USP21: variants seen among roughly 807,000 people sequenced by gnomAD.
The protein encoded by USP21 is ubiquitin specific peptidase 21.
Under a neutral mutation model 70.8 loss-of-function variants are expected in USP21, and 37 were observed. That is an observed-to-expected ratio of 0.52 (90% CI 0.40 to 0.69). The LOEUF (loss-of-function observed/expected upper bound fraction) is 0.69. USP21 is among the 30% of genes least tolerant of loss of function. The pLI, the probability that USP21 is intolerant of heterozygous loss-of-function variation, is 0.00. For missense variants in USP21, 584 were observed against 740.8 expected, an observed-to-expected ratio of 0.79 and a Z score of 2.46; for synonymous variants, 263 against 283.1, an observed-to-expected ratio of 0.93 and a Z score of 0.71.
Position 161,162,854 on chromosome 1 carries a change from G to C in USP21, c.894-65G>C, listed in dbSNP as rs1658043698. 6.3e-7 allele frequency: 1 copy of C among 1,593,282 alleles called. No individual in the cohort carries two copies. Among genetic ancestry groups the C allele is most frequent in the African/African-American group, 1.3e-5 (1 of 74,476 alleles). ...TCCAGGAAGTGGGGACCAATATCTGGGCAGGGAATAGTGTCTGTGGACTAG... is the reference window on the plus strand; with the variant it reads ...TCCAGGAAGTGGGGACCAATATCTGCGCAGGGAATAGTGTCTGTGGACTAG... On this transcript the variant is annotated intron_variant, in intron 6 of 13. Transcript: ENST00000368002. This position sits in a 1 kb window ranked among gnomAD's most constrained non-coding sequence, Gnocchi z 4.1.
intron 7 of USP21, 39 bp downstream of exon 7, chr1:161,163,113 A>T: frequency 6.5e-7 from 1 of 1,550,346 alleles, no homozygotes. Context: ...CCCGTAGTTT[A>T]TCAGCATCAT....
At position 161,161,063 on chromosome 1, in the gene USP21, C is replaced by T. The variant is rs755738229; in HGVS notation, c.423C>T (p.Arg141=). Residue 141 remains arginine, a synonymous_variant, in exon 3 of 14, where the codon CGC becomes CGT. Transcript: ENST00000368002. The surrounding 1 kb of genome is among the most constrained non-coding windows in gnomAD (Gnocchi z 4.2). ...GTGELGAALS[R]LALRPEPPTL... is the part of the protein sequence containing the mutation. Reference sequence around the variant, plus strand: ...GAGAGCTTGGGGCTGCACTGAGCCGCTTGGCCCTCCGGCCTGAGCCACCCA... The same window carrying T: ...GAGAGCTTGGGGCTGCACTGAGCCGTTTGGCCCTCCGGCCTGAGCCACCCA... 1.5e-5 allele frequency: 25 copies of T among 1,614,140 alleles called. No homozygotes were observed. Among genetic ancestry groups the T allele is most frequent in the Non-Finnish European group, 2.1e-5 (25 of 1,180,046 alleles).
rs769102661 is a variant in USP21 at position 161,162,700 on chromosome 1, A to G, written c.867A>G (p.Lys289=). 1.9e-6 allele frequency: 3 copies of G among 1,613,926 alleles called. No homozygotes were observed. The highest frequency in any genetic ancestry group is 1.3e-5 in the African/African-American group (1 of 74,914). Residue 289 remains lysine, a synonymous_variant, in exon 6 of 14, where the codon AAA becomes AAG. Coordinates refer to ENST00000368002, the MANE Select transcript of USP21 (RefSeq NM_001014443.3). This position sits in a 1 kb window ranked among gnomAD's most constrained non-coding sequence, Gnocchi z 4.1. ...CTCGATTCCGAGCTGTCTTCCAGAA[A>G]TATGTTCCCTCCTTCTCTGGATACA... ...NPTRFRAVFQ[K]YVPSFSGYSQ...
In USP21 at chr1:161,164,864, T is replaced by G; in HGVS notation, c.1414T>G (p.Ser472Ala). ...HLNRFSASRG[S>A]IKKSSVGVDF... ...GAATCGATTTTCTGCCTCCCGAGGC[T>G]CCATCAAAAAAAGTTCAGTAGGTGT... Residue 472 changes from serine to alanine, a missense_variant, in exon 12 of 14, where the codon TCC (serine) becomes GCC (alanine). Ser to Ala is a moderately conservative substitution (Grantham distance 99, BLOSUM62 1). Transcript: ENST00000368002. This position sits in a 1 kb window ranked among gnomAD's most constrained non-coding sequence, Gnocchi z 4.2. 6.2e-7 allele frequency: 1 copy of G among 1,613,928 alleles called. No individual in the cohort carries two copies. Among genetic ancestry groups the G allele is most frequent in the African/African-American group, 1.3e-5 (1 of 75,006 alleles).
Position 161,162,526 on chromosome 1 carries a change from A to G in USP21, c.782-89A>G, listed in dbSNP as rs1658008690. 6.5e-7 allele frequency: 1 copy of G among 1,539,764 alleles called. No homozygotes were observed. Among genetic ancestry groups the G allele is most frequent in the African/African-American group, 1.4e-5 (1 of 73,138 alleles). ...TACTTTTCCCAGTGCCTACTTTCCTAAAGGTTATTTTCTACCCTCTGAGCC... is the reference window on the plus strand; with the variant it reads ...TACTTTTCCCAGTGCCTACTTTCCTGAAGGTTATTTTCTACCCTCTGAGCC... On this transcript the variant is annotated intron_variant, in intron 5 of 13. Transcript: ENST00000368002. This position sits in a 1 kb window ranked among gnomAD's most constrained non-coding sequence, Gnocchi z 4.1.
At chr1:161,160,532 G>T in intron 2 of USP21, 26 bp downstream of exon 2, 1 of 1,341,262 alleles carries the variant, frequency 7.5e-7, no homozygotes, top group Non-Finnish European at 1.0e-6. Context: ...AAGCAATAAG[G>T]GAAAATTAGT....
chr1:161,163,167 G>A lies in USP21; in HGVS notation c.1049+93G>A, dbSNP rs1571286152. On this transcript the variant is annotated intron_variant, in intron 7 of 13. Coordinates refer to ENST00000368002, the MANE Select transcript of USP21 (RefSeq NM_001014443.3). The stretch of plus-strand genomic sequence containing the variant: ...AACTAGTAAAGATTGAAGATGTAGG[G>A]TCCAGGGAAACCCTTTAGTATAGAA... 3 of 1,435,040 alleles carry A rather than the reference G, an allele frequency of 2.1e-6. 1 individual carries two copies. The highest frequency in any genetic ancestry group is 2.8e-5 in the South Asian group (2 of 71,410). The allele number at this position is 1,435,040 out of a possible 1,614,324, so 88.9% of individuals were successfully genotyped here.
chr1:161,164,819 C>T lies in USP21; in HGVS notation c.1385-16C>T. On this transcript the variant is annotated splice_polypyrimidine_tract_variant and intron_variant, in intron 11 of 13. Transcript: ENST00000368002. The surrounding 1 kb of genome is among the most constrained non-coding windows in gnomAD (Gnocchi z 4.2). ...GAGGCCCACTGCCTCCCAAATGCTC[C>T]TTAACCAGGGCTTAGATCTGAATCG... The T allele has an allele frequency of 6.2e-7, 1 of 1,611,138 alleles. No individual in the cohort carries two copies. The highest frequency in any genetic ancestry group is 8.5e-7 in the Non-Finnish European group (1 of 1,178,292).
At position 161,165,579 on chromosome 1, in the gene USP21, ATTT is replaced by A; in HGVS notation, c.*138_*140del. Reference sequence around the variant, plus strand: ...GGGAGGGGGTGGTTGTAGCTCCATTATTTTTTTTATTAAAAAATACCCTTCCAC... The same window carrying A: ...GGGAGGGGGTGGTTGTAGCTCCATTATTTTTATTAAAAAATACCCTTCCAC... On this transcript the variant is annotated 3_prime_UTR_variant, in exon 14 of 14. Transcript: ENST00000368002. 2 of 613,248 alleles carry A rather than the reference ATTT, an allele frequency of 3.3e-6. No homozygotes were observed. The highest frequency in any genetic ancestry group is 4.2e-5 in the South Asian group (2 of 47,528). The allele number at this position is 613,248 out of a possible 1,614,324, so 38.0% of individuals were successfully genotyped here. A position where few individuals can be genotyped will look rare whatever the true frequency, so the allele number is the denominator to read the frequency against.
chr1:161,165,208 A>G (rs1019940082), intron 13 of USP21, 65 bp downstream of exon 13: 46 of 1,496,024 alleles, frequency 3.1e-5, no homozygotes, highest in Non-Finnish European at 3.9e-5. Context: ...CTCCCCTTCT[A>G]TGAAGCTCCA....
In USP21 at chr1:161,160,998, C is replaced by A; in HGVS notation, c.358C>A (p.Arg120Ser). 1.2e-6 allele frequency: 2 copies of A among 1,614,224 alleles called. No homozygotes were observed. Among genetic ancestry groups the A allele is most frequent in the Non-Finnish European group, 8.5e-7 (1 of 1,180,040 alleles). ...CAAGTCTGTGAGCAGTGGGGACTTG[C>A]GTCCAATGGGGATTGCCTTGGGAGG... Reference protein sequence around the residue: ...RSKSVSSGDLRPMGIALGGHR... With the variant: ...RSKSVSSGDLSPMGIALGGHR... Residue 120 changes from arginine to serine, a missense_variant, in exon 3 of 14, where the codon CGT (arginine) becomes AGT (serine). By Grantham distance (110) the Arg-to-Ser change is moderately radical. Around this residue, in one of 4 missense-constraint regions of USP21, gnomAD observed 284 missense variants for 281.0 expected, o/e 1.01. Coordinates refer to ENST00000368002, the MANE Select transcript of USP21 (RefSeq NM_001014443.3).
rs34222337 is a variant in USP21 at position 161,160,231 on chromosome 1, C to G, written c.-162-135C>G. The stretch of plus-strand genomic sequence containing the variant: ...GAGCCGAGATAGGAGTTATCACTGG[C>G]TTTTCAGTAAAGATGTGTTCTGCAG... On this transcript the variant is annotated intron_variant, in intron 1 of 13. Coordinates refer to ENST00000368002, the MANE Select transcript of USP21 (RefSeq NM_001014443.3). The G allele has an allele frequency of 0.012, 2,336 of 186,980 alleles. 96 individuals carry two copies. The East Asian group carries it at 0.13, about 10-fold the overall frequency. The allele number at this position is 186,980 out of a possible 1,614,324, so 11.6% of individuals were successfully genotyped here.
Position 161,162,166 on chromosome 1 carries a change from C to T in USP21, c.660+69C>T. 1 of 1,613,172 alleles carries T rather than the reference C, an allele frequency of 6.2e-7. No individual in the cohort carries two copies. The highest frequency in any genetic ancestry group is 2.2e-5 in the East Asian group (1 of 44,870). On this transcript the variant is annotated intron_variant, in intron 4 of 13. Transcript: ENST00000368002. This position sits in a 1 kb window ranked among gnomAD's most constrained non-coding sequence, Gnocchi z 4.1. ...AATGGTGCTGGGGGTGGGGAAAACC[C>T]ACGAGCTTGGGGAAGGCATGTGGAA...
At position 161,161,905 on chromosome 1, in the gene USP21, G is replaced by A; in HGVS notation, c.601-133G>A. ...TGAGGTAGGGAGACTAGAATACCTA[G>A]TGAGGGGAATAGGGTAGAGTTTGGG... On this transcript the variant is annotated intron_variant, in intron 3 of 13. Coordinates refer to ENST00000368002, the MANE Select transcript of USP21 (RefSeq NM_001014443.3). This position sits in a 1 kb window ranked among gnomAD's most constrained non-coding sequence, Gnocchi z 4.2. The A allele has an allele frequency of 1.2e-6, 1 of 849,158 alleles. No homozygotes were observed. Among genetic ancestry groups the A allele is most frequent in the East Asian group, 2.5e-5 (1 of 40,608 alleles). The allele number at this position is 849,158 out of a possible 1,614,324, so 52.6% of individuals were successfully genotyped here. A position where few individuals can be genotyped will look rare whatever the true frequency, so the allele number is the denominator to read the frequency against.
In USP21 at chr1:161,162,271, G is replaced by C. The variant is rs1408890590; in HGVS notation, c.662G>C (p.Cys221Ser). ...HVGLRNLGNT[C>S]FLNAVLQCLS... ...AGCAGTGTCCCTACTGCTCCCCAGTGCTTCCTGAATGCTGTGCTGCAGTGT... is the reference window on the plus strand; with the variant it reads ...AGCAGTGTCCCTACTGCTCCCCAGTCCTTCCTGAATGCTGTGCTGCAGTGT... Residue 221 changes from cysteine (C) to serine (S), a missense_variant and splice_region_variant, in exon 5 of 14, where the codon TGC (cysteine) becomes TCC (serine). Cys to Ser is a moderately radical substitution (Grantham distance 112). Around this residue, in one of 4 missense-constraint regions of USP21, gnomAD observed 87 missense variants for 162.4 expected, o/e 0.54. Coordinates refer to ENST00000368002, the MANE Select transcript of USP21 (RefSeq NM_001014443.3). This position sits in a 1 kb window ranked among gnomAD's most constrained non-coding sequence, Gnocchi z 4.1. The C allele has an allele frequency of 6.2e-7, 1 of 1,608,126 alleles. No individual in the cohort carries two copies. Among genetic ancestry groups the C allele is most frequent in the Admixed American group, 1.7e-5 (1 of 59,710 alleles).
In USP21 at chr1:161,162,100, G is replaced by A. The variant is rs764973487; in HGVS notation, c.660+3G>A. The A allele has an allele frequency of 6.2e-7, 1 of 1,614,162 alleles. No homozygotes were observed. Among genetic ancestry groups the A allele is most frequent in the Admixed American group, 1.7e-5 (1 of 60,030 alleles). ...GCCTTCGAAACCTGGGAAACACGGT[G>A]AGAGCTATTCTCCTATCTTTCCTCT... On this transcript the variant is annotated splice_donor_region_variant and intron_variant, in intron 4 of 13. Coordinates refer to ENST00000368002, the MANE Select transcript of USP21 (RefSeq NM_001014443.3). This position sits in a 1 kb window ranked among gnomAD's most constrained non-coding sequence, Gnocchi z 4.1.
Position 161,164,010 on chromosome 1 carries a change from C to G in USP21, c.1218+29C>G. The G allele has an allele frequency of 6.2e-7, 1 of 1,608,320 alleles. No individual in the cohort carries two copies. Among genetic ancestry groups the G allele is most frequent in the Non-Finnish European group, 8.5e-7 (1 of 1,174,724 alleles). On this transcript the variant is annotated intron_variant, in intron 9 of 13. Transcript: ENST00000368002. The surrounding 1 kb of genome is among the most constrained non-coding windows in gnomAD (Gnocchi z 4.2). ...GGATTCCAGAGGATTCCGGGGTGGA[C>G]AGGACAGGGGCTCTGTGACCCAAGC...
intron 7 of USP21, 103 bp from the exon 8 acceptor site, chr1:161,163,452 T>C: frequency 3.0e-6 from 3 of 1,013,816 alleles, no homozygotes; most frequent in South Asian, 2.7e-5. Context: ...AGCAGGGGTG[T>C]GGATGGGGAG....
intron 1 of USP21, among the ~76,000 whole-genome samples, chr1:161,160,052 C>T (rs752251176): frequency 1.4e-4 from 21 of 152,138 alleles, no homozygotes; most frequent in Admixed American, 3.3e-4. Context: ...ATATAGTCTG[C>T]TTCATTTGCA....
Sources: allele counts gnomAD v4.1 joint callset (sites outside exome capture counted in the v4.1 genomes callset), GRCh38; gene constraint gnomAD v4.1.1; regional missense constraint gnomAD v4.1.1; non-coding constraint Gnocchi (gnomAD v3.1); transcripts MANE v1.5; gene names NCBI Gene and HGNC (gene_info 2026-07-23, HGNC 2026-07-21).